Variants in EPHA6 observed in about 807,000 individuals in gnomAD.
The protein encoded by EPHA6 is ephrin type-A receptor 6.
A neutral mutation model predicts 112.0 loss-of-function variants in EPHA6; 50 were observed. The ratio of observed to expected loss-of-function variants is 0.45; its 90% CI spans 0.36 to 0.56. EPHA6 has a LOEUF of 0.56. EPHA6 is among the 20% of genes least tolerant of loss of function. EPHA6 has a pLI of 0.00. For synonymous variants in EPHA6, 529 were observed against 490.7 expected (o/e 1.08, Z -1.03); for missense variants, 1,280 against 1,417.4 (o/e 0.90, Z 1.56).
chr3:96,887,798 A>G (rs984574120), intron 2 of EPHA6, among the ~76,000 whole-genome samples: 14 of 152,156 alleles, frequency 9.2e-5, no homozygotes, highest in African/African-American at 3.4e-4. Flanking sequence ...TGAGATTCCC[A>G]GGTCCCTGGA....
At chr3:96,938,005 C>T (rs539774068) in intron 2 of EPHA6, among the ~76,000 whole-genome samples, 6 of 152,146 alleles carry the variant, frequency 3.9e-5, no homozygotes, top group Admixed American at 3.9e-4. Context: ...GTTTTGGTTA[C>T]TGTAGCCTTG....
At chr3:97,337,755 A>G (rs1359597023) in intron 5 of EPHA6, among the ~76,000 whole-genome samples, 2 of 152,160 alleles carry the variant, frequency 1.3e-5, no homozygotes, top group Admixed American at 1.3e-4. Flanking sequence ...GAGAGCTACA[A>G]TGCTCAGAAA....
intron 1 of EPHA6, among the ~76,000 whole-genome samples, chr3:96,852,614 A>G (rs560460678): frequency 6.6e-6 from 1 of 151,882 alleles, no homozygotes; most frequent in African/African-American, 2.4e-5. Flanking sequence ...AAAAAAAAAA[A>G]AAAAAAACTT....
chr3:96,960,760 C>A (rs947364043), intron 2 of EPHA6, among the ~76,000 whole-genome samples: 1 of 152,070 alleles, frequency 6.6e-6, no homozygotes, highest in African/African-American at 2.4e-5. Context: ...TTTTTTAACT[C>A]TTTTATTCTA....
chr3:97,360,711 A>G (rs2084328244), intron 5 of EPHA6, among the ~76,000 whole-genome samples: 1 of 152,246 alleles, frequency 6.6e-6, no homozygotes, highest in Non-Finnish European at 1.5e-5. Flanking sequence ...CAATTCGAGA[A>G]AATAAGATGC....
chr3:97,009,996 T>C (rs2044026131), intron 3 of EPHA6: 2 of 914,036 alleles, frequency 2.2e-6, no homozygotes, highest in Non-Finnish European at 3.1e-6. Context: ...TTTTTTTTTT[T>C]TTGATAGGAG....
chr3:96,875,249 G>A (rs2036876391), intron 2 of EPHA6, among the ~76,000 whole-genome samples: 1 of 152,018 alleles, frequency 6.6e-6, no homozygotes, highest in African/African-American at 2.4e-5. Context: ...CAAAGCTGAT[G>A]GCTTTCTTTT....
rs562086276 is a variant in EPHA6 at position 96,937,744 on chromosome 3, T to G, written c.451-49586T>G. Among the ~76,000 whole-genome samples the G allele has an allele frequency of 8.5e-5, 13 of 152,306 alleles. 1 individual carries two copies. The South Asian group carries it at 2.7e-3, about 32-fold the overall frequency. Reference sequence around the variant, plus strand: ...TCTAGGGTTTTTATGGTTTTAGGTCTAACATTGAAGTCTTTAATCCATCTT... The same window carrying G: ...TCTAGGGTTTTTATGGTTTTAGGTCGAACATTGAAGTCTTTAATCCATCTT... On this transcript the variant is annotated intron_variant, in intron 2 of 17. Coordinates refer to ENST00000389672, the MANE Select transcript of EPHA6 (RefSeq NM_001080448.3).
chr3:97,072,102 A>G (rs1336306353), intron 3 of EPHA6, among the ~76,000 whole-genome samples: 1 of 152,142 alleles, frequency 6.6e-6, no homozygotes, highest in African/African-American at 2.4e-5. Flanking sequence ...ATGCATGTTT[A>G]TAGCAGCACA....
In EPHA6 at chr3:97,546,879, C is replaced by T. The variant is rs559793632; in HGVS notation, c.2386+14336C>T. 9.8e-5 allele frequency among the ~76,000 whole-genome samples: 15 copies of T among 152,344 alleles called. No individual in the cohort carries two copies. In the East Asian group the frequency reaches 1.3e-3, roughly 14 times the overall value. ...CAGCGGCTACTGAAGCATCTGCATT[C>T]GTCACGTAGCTCTCATGCCTTGGTT... On this transcript the variant is annotated intron_variant, in intron 11 of 17. Transcript: ENST00000389672.
rs939352268 is a variant in EPHA6, at chr3:97,045,429, A to G, written c.1114+57436A>G. On this transcript the variant is annotated intron_variant, in intron 3 of 17. Coordinates refer to ENST00000389672, the MANE Select transcript of EPHA6 (RefSeq NM_001080448.3). ...ATCACGTAATCAACACTTATCTGACATAGTCTTTTTATGAAGCGTACAAAT... is the reference window on the plus strand; with the variant it reads ...ATCACGTAATCAACACTTATCTGACGTAGTCTTTTTATGAAGCGTACAAAT... 5.3e-5 allele frequency among the ~76,000 whole-genome samples: 8 copies of G among 152,104 alleles called. 1 individual carries two copies. In the South Asian group the frequency reaches 8.3e-4, roughly 16 times the overall value.
chr3:97,520,190 A>T (rs2092517729), intron 10 of EPHA6, among the ~76,000 whole-genome samples: 1 of 151,964 alleles, frequency 6.6e-6, no homozygotes, highest in Admixed American at 6.6e-5. Context: ...GATGGTCTCG[A>T]TCTCCTGACC....
chr3:97,405,349 A>G (rs1011043216), intron 6 of EPHA6, 75 bp downstream of exon 6: 26 of 1,296,384 alleles, frequency 2.0e-5, no homozygotes, highest in Middle Eastern at 2.0e-4. Context: ...ATGTCGTTAT[A>G]CTATATTATT....
At chr3:97,035,380 G>A (rs2045050176) in intron 3 of EPHA6, among the ~76,000 whole-genome samples, 1 of 151,956 alleles carries the variant, frequency 6.6e-6, no homozygotes. Context: ...TGAGAAGTAG[G>A]TTTTGGTGGT....
intron 13 of EPHA6, among the ~76,000 whole-genome samples, chr3:97,630,012 C>T (rs1200817246): frequency 6.6e-6 from 1 of 151,922 alleles, no homozygotes; most frequent in Non-Finnish European, 1.5e-5. Context: ...TCAGTAGTAA[C>T]CTTTGTAAGC....
chr3:97,672,839 G>T (rs1013717940), intron 14 of EPHA6, among the ~76,000 whole-genome samples: 2 of 152,124 alleles, frequency 1.3e-5, no homozygotes, highest in South Asian at 2.1e-4. Flanking sequence ...CTAAAAAGTT[G>T]AACTATGTAT....
intron 2 of EPHA6, among the ~76,000 whole-genome samples, chr3:96,889,873 C>A (rs1278181777): frequency 6.6e-6 from 1 of 151,846 alleles, no homozygotes; most frequent in Non-Finnish European, 1.5e-5. Context: ...AAAAGCAGAC[C>A]CACCATTTAT....
At position 97,755,734 on chromosome 3, in the gene EPHA6, T is replaced by C. The variant is rs987362217; in HGVS notation, c.*7033T>C. ...TTTGTTTCATGAGTTCAATATGAGC[T>C]TACATGAGAAGCAAATTGATGTGAA... On this transcript the variant is annotated 3_prime_UTR_variant, in exon 18 of 18. Coordinates refer to ENST00000389672, the MANE Select transcript of EPHA6 (RefSeq NM_001080448.3). Among the ~76,000 whole-genome samples the C allele has an allele frequency of 5.9e-5, 9 of 152,150 alleles. No homozygotes were observed. Among genetic ancestry groups the C allele is most frequent in the African/African-American group, 2.2e-4 (9 of 41,470 alleles).
intron 6 of EPHA6, among the ~76,000 whole-genome samples, chr3:97,407,124 A>AT (rs1401363161): frequency 2.6e-5 from 4 of 152,092 alleles, no homozygotes; most frequent in Non-Finnish European, 5.9e-5. Flanking sequence ...AGGATAAATC[A>AT]TACAGATGTA....
Sources: allele counts gnomAD v4.1 joint callset (sites outside exome capture counted in the v4.1 genomes callset), GRCh38; gene constraint gnomAD v4.1.1; transcripts MANE v1.5; gene names NCBI Gene and HGNC (gene_info 2026-07-23, HGNC 2026-07-21).